The following ENPP1 variants were observed in gnomAD, a reference collection of about 807,000 sequenced individuals.
ENPP1 encodes ectonucleotide pyrophosphatase/phosphodiesterase 1.
A neutral mutation model predicts 122.8 loss-of-function variants in ENPP1; 73 were observed. The observed-to-expected ratio is 0.59, with a 90% CI of 0.49 to 0.72. The LOEUF is 0.72. Ranked by LOEUF, ENPP1 falls within the 30% of genes least tolerant of loss-of-function variation. ENPP1 has a pLI of 0.00. For synonymous variants in ENPP1, 367 were observed against 391.6 expected (o/e 0.94, Z 0.74); for missense variants, 978 against 1,128.1 (o/e 0.87, Z 1.91).
Position 131,874,535 on chromosome 6 carries a change from A to G in ENPP1, c.1635+198A>G, listed in dbSNP as rs77619643. On this transcript the variant is annotated intron_variant, in intron 16 of 24. Coordinates refer to ENST00000647893, the MANE Select transcript of ENPP1 (RefSeq NM_006208.3). ...CATTGGCTATTACTAAAAAGTCAAA[A>G]AACAACAGATGTAGTAAGGATGTGG... 4.8e-3 allele frequency among the ~76,000 whole-genome samples: 721 copies of G among 151,502 alleles called. 4 individuals carry two copies. The highest frequency in any genetic ancestry group is 0.017 in the African/African-American group (696 of 40,878).
At chr6:131,856,392 C>T (rs1440286621) in intron 6 of ENPP1, among the ~76,000 whole-genome samples, 1 of 150,204 alleles carries the variant, frequency 6.7e-6, no homozygotes, top group Admixed American at 6.6e-5. Flanking sequence ...GATATTAGCC[C>T]TTTGTCAGAT....
intron 20 of ENPP1, among the ~76,000 whole-genome samples, 177 bp from the exon 21 acceptor site, chr6:131,882,168 C>G (rs1782319415): frequency 6.6e-6 from 1 of 151,560 alleles, no homozygotes; most frequent in Non-Finnish European, 1.5e-5. Flanking sequence ...TATTGTAAAG[C>G]ATTTTTACAC....
intron 1 of ENPP1, among the ~76,000 whole-genome samples, chr6:131,843,771 C>CT (rs1781770841): frequency 6.6e-6 from 1 of 150,992 alleles, no homozygotes; most frequent in East Asian, 2.0e-4. Flanking sequence ...GCTGGAGGGT[C>CT]TTTTTACTCT....
chr6:131,856,129 T>C (rs533892470), intron 6 of ENPP1, among the ~76,000 whole-genome samples: 1 of 152,294 alleles, frequency 6.6e-6, no homozygotes, highest in Non-Finnish European at 1.5e-5. Flanking sequence ...GATAGTTTTG[T>C]TTTGTTTTAA....
intron 24 of ENPP1, among the ~76,000 whole-genome samples, chr6:131,887,725 A>ATTTTTTTTTTT (rs757759048): frequency 1.7e-5 from 2 of 114,846 alleles, no homozygotes; most frequent in Admixed American, 9.0e-5. Flanking sequence ...CACCCGGCTA[A>ATTTTTTTTTTT]TTTTTTTTTT....
At chr6:131,864,761 C>A in intron 10 of ENPP1, 105 bp from the exon 11 acceptor site, 1 of 856,188 alleles carries the variant, frequency 1.2e-6, no homozygotes, top group East Asian at 2.4e-5. Context: ...AGAACTGTTA[C>A]ACCAGTGTTA....
chr6:131,817,156 CTA>C (rs1245663321), intron 1 of ENPP1, among the ~76,000 whole-genome samples: 1 of 152,180 alleles, frequency 6.6e-6, no homozygotes, highest in African/African-American at 2.4e-5. Flanking sequence ...ACATAATAGA[CTA>C]TGATGGTAAC....
chr6:131,819,980 A>G (rs1259751636), intron 1 of ENPP1: 2 of 557,680 alleles, frequency 3.6e-6, no homozygotes, highest in Admixed American at 4.7e-5. Context: ...AGAGTTTTGA[A>G]AAGCAAAACC....
intron 1 of ENPP1, chr6:131,827,076 T>A (rs541812202): frequency 9.5e-6 from 6 of 634,318 alleles, no homozygotes; most frequent in South Asian, 7.6e-5. Flanking sequence ...CAGGGTCTGC[T>A]CCAGGCTTAG....
chr6:131,832,479 GAGA>G (rs1358019592), intron 1 of ENPP1, among the ~76,000 whole-genome samples: 1 of 152,194 alleles, frequency 6.6e-6, no homozygotes, highest in Non-Finnish European at 1.5e-5. Flanking sequence ...TAAGATCTGG[GAGA>G]AGGAGAAAGG....
At chr6:131,824,932 C>T (rs2114663909) in intron 1 of ENPP1, among the ~76,000 whole-genome samples, 1 of 152,186 alleles carries the variant, frequency 6.6e-6, no homozygotes, top group Middle Eastern at 3.4e-3. Flanking sequence ...TCGTGGCACA[C>T]ACCTGTAATC....
rs1195267645 is a variant in ENPP1 at position 131,808,165 on chromosome 6, C to T, written c.130C>T (p.Gln44Ter). The T allele has an allele frequency of 2.1e-6, 3 of 1,457,760 alleles. No homozygotes were observed. Among genetic ancestry groups the T allele is most frequent in the Non-Finnish European group, 2.7e-6 (3 of 1,100,602 alleles). The allele number at this position is 1,457,760 out of a possible 1,614,324, so 90.3% of individuals were successfully genotyped here. ...CGCTGCCGAGGCGCCCGGGGACCCG[C>T]AGGCGGCCGCGTCCTTGCTGGCCCC... Reference protein sequence around the residue: ...SHAAEAPGDPQAAASLLAPMD... With the variant: ...SHAAEAPGDP The change falls in exon 1 of 25, where the codon CAG becomes TAG. Residue 44 changes from glutamine (Q) to a stop codon, truncating the protein, a stop_gained. Transcript: ENST00000647893. LOFTEE classifies it high-confidence loss of function.
intron 14 of ENPP1, among the ~76,000 whole-genome samples, chr6:131,872,614 G>A (rs543343814): frequency 1.3e-5 from 2 of 152,168 alleles, no homozygotes; most frequent in East Asian, 3.9e-4. Flanking sequence ...GTGACACTGA[G>A]TTCTGGGGCT....
At chr6:131,859,136 G>A (rs560745735) in intron 7 of ENPP1, among the ~76,000 whole-genome samples, 39 of 152,244 alleles carry the variant, frequency 2.6e-4, no homozygotes, top group Admixed American at 4.6e-4. Flanking sequence ...ATTTAAGCAA[G>A]CCACTTTGCC....
rs564491653 is a variant in ENPP1, at chr6:131,818,357, C to G, written c.240+10082C>G. Among the ~76,000 whole-genome samples, 5 of 152,102 alleles carry G rather than the reference C, an allele frequency of 3.3e-5. No individual in the cohort carries two copies. The South Asian group carries it at 1.0e-3, about 32-fold the overall frequency. ...GCTTAGATGAAGCAATAAAAATGTCCTTGATGAGGCTGGTCGCGGTGGCTC... is the reference window on the plus strand; with the variant it reads ...GCTTAGATGAAGCAATAAAAATGTCGTTGATGAGGCTGGTCGCGGTGGCTC... On this transcript the variant is annotated intron_variant, in intron 1 of 24. Coordinates refer to ENST00000647893, the MANE Select transcript of ENPP1 (RefSeq NM_006208.3).
In ENPP1 at chr6:131,808,069, C is replaced by T; in HGVS notation, c.34C>T (p.Arg12Cys). The T allele has an allele frequency of 3.0e-6, 3 of 1,001,570 alleles. No homozygotes were observed. Among genetic ancestry groups the T allele is most frequent in the Non-Finnish European group, 3.6e-6 (3 of 842,854 alleles). The allele number at this position is 1,001,570 out of a possible 1,614,324, so 62.0% of individuals were successfully genotyped here. A position where few individuals can be genotyped will look rare whatever the true frequency, so the allele number is the denominator to read the frequency against. Residue 12 changes from arginine (R) to cysteine (C), a missense_variant, in exon 1 of 25, where the codon CGC becomes TGC. Arg to Cys is a radical substitution (Grantham distance 180). Transcript: ENST00000647893. ...CGACGGCTGCGCGGGGGGCGGGAGC[C>T]GCGGCGGCGAGGGCGGGCGCGCTCC... is the stretch of plus-strand genomic sequence containing the variant. ...ERDGCAGGGS[R>C]GGEGGRAPRE...
rs549525445 is a variant in ENPP1 at position 131,824,800 on chromosome 6, C to T, written c.240+16525C>T. Among the ~76,000 whole-genome samples the T allele has an allele frequency of 6.0e-4, 91 of 152,180 alleles. No homozygotes were observed. The East Asian group carries it at 0.015, about 25-fold the overall frequency. On this transcript the variant is annotated intron_variant, in intron 1 of 24. Transcript: ENST00000647893. ...TGGAGGCCGGGTGCAGTGGCTCACGCCTGTAATCCCAGCACTTTGGGAGGC... is the reference window on the plus strand; with the variant it reads ...TGGAGGCCGGGTGCAGTGGCTCACGTCTGTAATCCCAGCACTTTGGGAGGC...
chr6:131,884,529 G>T lies in ENPP1; in HGVS notation c.2312-402G>T, dbSNP rs1469472349. 8.5e-5 allele frequency among the ~76,000 whole-genome samples: 13 copies of T among 152,254 alleles called. No homozygotes were observed. The East Asian group carries it at 2.5e-3, about 29-fold the overall frequency. ...CTCATGCTTGCAGTCCCAGCCCTTT[G>T]GGGAGTCCAACTCAGAAGGACTGCT... On this transcript the variant is annotated intron_variant, in intron 22 of 24. Transcript: ENST00000647893.
In ENPP1 at chr6:131,885,058, G is replaced by T; in HGVS notation, c.2439G>T (p.Leu813=). 2 of 1,613,838 alleles carry T rather than the reference G, an allele frequency of 1.2e-6. No homozygotes were observed. Among genetic ancestry groups the T allele is most frequent in the Non-Finnish European group, 1.7e-6 (2 of 1,179,778 alleles). The part of the protein sequence containing the change: ...YDGRCDSLEN[L]RQKRRVIRNQ... ...GACGTTGTGATTCCTTAGAGAATCT[G>T]AGGCAGTAAGAACATATTTCATTAC... The change falls in exon 23 of 25, where the codon CTG becomes CTT. Residue 813 remains leucine (L), a synonymous_variant. Transcript: ENST00000647893.
Sources: gnomAD v4.1 joint callset for allele counts (sites outside exome capture counted in the v4.1 genomes callset) on GRCh38, gnomAD v4.1.1 for gene constraint, MANE v1.5 for transcripts, NCBI Gene and HGNC (gene_info 2026-07-23, HGNC 2026-07-21) for gene names.